MTFR1L: variants seen among roughly 807,000 people sequenced by gnomAD.
The protein encoded by MTFR1L is mitochondrial fission regulator 1-like.
A neutral mutation model predicts 27.9 loss-of-function variants in MTFR1L; 10 were observed. That is an observed-to-expected ratio of 0.36 (90% CI 0.22 to 0.61). The LOEUF is 0.61. MTFR1L is among the 20% of genes least tolerant of loss of function. The pLI is 0.73. For synonymous variants in MTFR1L, 151 were observed against 139.4 expected (o/e 1.08, Z -0.58); for missense variants, 315 against 363.7 (o/e 0.87, Z 1.09).
At position 25,829,785 on chromosome 1, in the gene MTFR1L, T is replaced by C; in HGVS notation, c.728T>C (p.Met243Thr). The C allele has an allele frequency of 1.2e-6, 2 of 1,608,744 alleles. No homozygotes were observed. The highest frequency in any genetic ancestry group is 1.7e-6 in the Non-Finnish European group (2 of 1,179,862). The change falls in exon 6 of 7, where the codon ATG becomes ACG. Residue 243 changes from methionine to threonine, a missense_variant. Transcript: ENST00000374303. ...AAGGCCAGCAGCTTTGCAGACATGA[T>C]GGGTATCCTGAAGGACTTTCACCGA... ...LSKASSFADM[M>T]GILKDFHRMK...
At chr1:25,820,413 A>G in intron 1 of MTFR1L, 1 of 443,828 alleles carries the variant, frequency 2.3e-6, no homozygotes. Context: ...ACCTTGGCCC[A>G]GGTCGGGTCG....
Position 25,832,174 on chromosome 1 carries a change from T to G in MTFR1L, c.*148T>G, listed in dbSNP as rs2048253637. The G allele has an allele frequency of 1.0e-5, 16 of 1,546,074 alleles. No homozygotes were observed. The highest frequency in any genetic ancestry group is 1.4e-5 in the Non-Finnish European group (16 of 1,150,026). On this transcript the variant is annotated 3_prime_UTR_variant, in exon 7 of 7. Coordinates refer to ENST00000374303, the MANE Select transcript of MTFR1L (RefSeq NM_001099625.2). ...AGAGCTTGGACTGAAAGAGAAGAGCTGGATTATATATTTCCCAGACTTCAA... is the reference window on the plus strand; with the variant it reads ...AGAGCTTGGACTGAAAGAGAAGAGCGGGATTATATATTTCCCAGACTTCAA...
At chr1:25,824,858 T>A (rs896667882) in intron 3 of MTFR1L, among the ~76,000 whole-genome samples, 5 of 152,110 alleles carry the variant, frequency 3.3e-5, no homozygotes, top group Admixed American at 3.3e-4. Context: ...TTCAGTTCTT[T>A]GGCCAGATGC....
intron 1 of MTFR1L, chr1:25,822,305 C>G (rs529516643): frequency 2.0e-5 from 3 of 152,474 alleles, no homozygotes; most frequent in Non-Finnish European, 4.4e-5. Context: ...AGCTGGTGTT[C>G]GTTCTCCTAT....
chr1:25,828,703 G>A (rs1467747110), intron 5 of MTFR1L, among the ~76,000 whole-genome samples: 1 of 152,162 alleles, frequency 6.6e-6, no homozygotes, highest in Non-Finnish European at 1.5e-5. Flanking sequence ...CAGCCAACAG[G>A]TGGATCGCTC....
At chr1:25,822,921 G>A in intron 1 of MTFR1L, 98 bp from the exon 2 acceptor site, 1 of 981,990 alleles carries the variant, frequency 1.0e-6, no homozygotes, top group Non-Finnish European at 1.6e-6. Flanking sequence ...GTGAAGTCAT[G>A]GCTCTGCAGG....
intron 3 of MTFR1L, among the ~76,000 whole-genome samples, chr1:25,824,673 A>G (rs1421320275): frequency 6.6e-6 from 1 of 152,100 alleles, no homozygotes; most frequent in Non-Finnish European, 1.5e-5. Context: ...TCGCAGGGGT[A>G]GGGGGCAGGA....
Position 25,826,896 on chromosome 1 carries a change from G to C in MTFR1L, c.451+70G>C. On this transcript the variant is annotated intron_variant, in intron 5 of 6. Transcript: ENST00000374303. This position sits in a 1 kb window ranked among gnomAD's most constrained non-coding sequence, Gnocchi z 4.1. ...TTCCCCTGGCTCTTGGGCAGGATAG[G>C]GGTAAAGAAAGTGGTAATCCTTGGT... 1 of 1,531,860 alleles carries C rather than the reference G, an allele frequency of 6.5e-7. No individual in the cohort carries two copies. Among genetic ancestry groups the C allele is most frequent in the African/African-American group, 1.4e-5 (1 of 72,930 alleles). 94.9% of individuals were successfully genotyped at this position (1,531,860 alleles called of 1,614,324 possible).
Position 25,826,108 on chromosome 1 carries a change from A to G in MTFR1L, c.130-194A>G. The G allele has an allele frequency of 1.8e-6, 1 of 551,278 alleles. No homozygotes were observed. The highest frequency in any genetic ancestry group is 1.9e-5 in the African/African-American group (1 of 52,856). 34.1% of individuals were successfully genotyped at this position (551,278 alleles called of 1,614,324 possible). On this transcript the variant is annotated intron_variant, in intron 3 of 6. Coordinates refer to ENST00000374303, the MANE Select transcript of MTFR1L (RefSeq NM_001099625.2). The surrounding 1 kb of genome is among the most constrained non-coding windows in gnomAD (Gnocchi z 4.1). ...CCTCGGCCTCCCAAATGCTGGGATT[A>G]CAGGTGTGAGCCACCATGCCTGACT...
Position 25,832,132 on chromosome 1 carries a change from A to C in MTFR1L, c.*106A>C. ...CTCTTAAGGATAGATCTTCTGCAAC[A>C]GTCTTGCTGACAAGCTAGAGCTTGG... On this transcript the variant is annotated 3_prime_UTR_variant, in exon 7 of 7. Coordinates refer to ENST00000374303, the MANE Select transcript of MTFR1L (RefSeq NM_001099625.2). The C allele has an allele frequency of 2.5e-6, 4 of 1,590,230 alleles. No homozygotes were observed. The highest frequency in any genetic ancestry group is 3.4e-6 in the Non-Finnish European group (4 of 1,170,296).
Position 25,826,535 on chromosome 1 carries a change from T to G in MTFR1L, c.240-80T>G, listed in dbSNP as rs2048170527. ...GGAGCAGAACCTTACTATACTACTCTCACAGAAGTGGGGGAAGGAACCTTA... is the reference window on the plus strand; with the variant it reads ...GGAGCAGAACCTTACTATACTACTCGCACAGAAGTGGGGGAAGGAACCTTA... On this transcript the variant is annotated intron_variant, in intron 4 of 6. Transcript: ENST00000374303. This position sits in a 1 kb window ranked among gnomAD's most constrained non-coding sequence, Gnocchi z 4.1. The G allele has an allele frequency of 6.3e-7, 1 of 1,587,200 alleles. No individual in the cohort carries two copies. Among genetic ancestry groups the G allele is most frequent in the Non-Finnish European group, 8.6e-7 (1 of 1,156,984 alleles).
chr1:25,832,062 T>C lies in MTFR1L; in HGVS notation c.*36T>C. On this transcript the variant is annotated 3_prime_UTR_variant, in exon 7 of 7. Coordinates refer to ENST00000374303, the MANE Select transcript of MTFR1L (RefSeq NM_001099625.2). ...CTCTGCAAACTCAGTCTCATGCTCC[T>C]GGAATACCTTCAATAGCTGCCTTCC... is the stretch of plus-strand genomic sequence containing the variant. The C allele has an allele frequency of 6.2e-7, 1 of 1,613,966 alleles. No homozygotes were observed. Among genetic ancestry groups the C allele is most frequent in the Non-Finnish European group, 8.5e-7 (1 of 1,179,988 alleles).
chr1:25,829,924 T>A, intron 6 of MTFR1L, 94 bp downstream of exon 6: 1 of 1,160,206 alleles, frequency 8.6e-7, no homozygotes, highest in Non-Finnish European at 1.2e-6. Context: ...AAGTTCTTAG[T>A]AGTACCATAT....
intron 1 of MTFR1L, chr1:25,820,702 CT>C (rs1015663550): frequency 4.6e-6 from 2 of 434,070 alleles, no homozygotes; most frequent in African/African-American, 4.2e-5. Context: ...GGGGGAAGAT[CT>C]TCTAGCCAGT....
In MTFR1L at chr1:25,829,626, C is replaced by T; in HGVS notation, c.569C>T (p.Thr190Ile). 6.2e-7 allele frequency: 1 copy of T among 1,614,214 alleles called. No individual in the cohort carries two copies. The highest frequency in any genetic ancestry group is 8.5e-7 in the Non-Finnish European group (1 of 1,180,034). The change falls in exon 6 of 7, where the codon ACC becomes ATC. Residue 190 changes from threonine (T) to isoleucine (I), a missense_variant. By Grantham distance (89) the Thr-to-Ile change is moderately conservative. Coordinates refer to ENST00000374303, the MANE Select transcript of MTFR1L (RefSeq NM_001099625.2). ...STTSFVISDI[T>I]EETEVEVPEL... ...ACTTCCTTTGTCATTAGTGACATCA[C>T]CGAGGAGACAGAGGTGGAGGTCCCT...
At chr1:25,828,772 T>G (rs1342773177) in intron 5 of MTFR1L, among the ~76,000 whole-genome samples, 1 of 152,156 alleles carries the variant, frequency 6.6e-6, no homozygotes, top group Non-Finnish European at 1.5e-5. Flanking sequence ...CACTCTGCAT[T>G]GACTCAGAGT....
chr1:25,831,975 A>C lies in MTFR1L; in HGVS notation c.828A>C (p.Leu276=). ...CTGCTGTGCTTATCTCTGAGGTCCTAAGGAGGAAGTTTGCTCTAAAGGAAG... is the reference window on the plus strand; with the variant it reads ...CTGCTGTGCTTATCTCTGAGGTCCTCAGGAGGAAGTTTGCTCTAAAGGAAG... The part of the protein sequence containing the change: ...EDPAVLISEV[L]RRKFALKEED... The change falls in exon 7 of 7, where the codon CTA becomes CTC. Residue 276 remains leucine, a synonymous_variant. Transcript: ENST00000374303. The C allele has an allele frequency of 6.2e-7, 1 of 1,614,214 alleles. No homozygotes were observed. The highest frequency in any genetic ancestry group is 8.5e-7 in the Non-Finnish European group (1 of 1,180,036).
chr1:25,821,052 G>C (rs115734942), intron 1 of MTFR1L: 4,271 of 275,678 alleles, frequency 0.015, 180 homozygotes, highest in African/African-American at 0.093. Flanking sequence ...GAGGGCAAGG[G>C]GGAGAGCAGG....
chr1:25,830,808 CTAAG>C, intron 6 of MTFR1L, among the ~76,000 whole-genome samples: 2 of 152,330 alleles, frequency 1.3e-5, no homozygotes, highest in Middle Eastern at 3.4e-3. Context: ...GTAGACCAGG[CTAAG>C]TGACTCCCTC....
Sources: gnomAD v4.1 joint callset for allele counts (sites outside exome capture counted in the v4.1 genomes callset) on GRCh38, gnomAD v4.1.1 for gene constraint, Gnocchi (gnomAD v3.1) non-coding constraint, MANE v1.5 for transcripts, NCBI Gene and HGNC (gene_info 2026-07-23, HGNC 2026-07-21) for gene names.